Variants in PTPRN2 observed in about 807,000 individuals in gnomAD.
PTPRN2 encodes the protein receptor-type tyrosine-protein phosphatase N2.
A neutral mutation model predicts 118.8 loss-of-function variants in PTPRN2; 74 were observed. The observed-to-expected ratio is 0.62, with a 90% confidence interval of 0.52 to 0.76. The LOEUF is 0.76. PTPRN2 is among the 30% of genes least tolerant of loss of function. PTPRN2 has a pLI of 0.00. For missense variants in PTPRN2, 1,481 were observed against 1,394.4 expected, an observed-to-expected ratio of 1.06 and a Z score of -0.99; for synonymous variants, 641 against 608.0, an observed-to-expected ratio of 1.05 and a Z score of -0.80.
At chr7:158,371,149 A>C (rs1809957804) in intron 2 of PTPRN2, among the ~76,000 whole-genome samples, 1 of 152,218 alleles carries the variant, frequency 6.6e-6, no homozygotes, top group Admixed American at 6.5e-5. Context: ...ACACGGGCCC[A>C]CAGTGTGGAC....
intron 1 of PTPRN2, among the ~76,000 whole-genome samples, chr7:158,564,990 C>T (rs1827586601): frequency 6.6e-6 from 1 of 152,216 alleles, no homozygotes; most frequent in South Asian, 2.1e-4. Flanking sequence ...CCTGCGCAGG[C>T]CCTGCCCCAC....
rs533788337 is a variant in PTPRN2 at position 158,041,017 on chromosome 7, C to T, written c.1723+40281G>A. On this transcript the variant is annotated intron_variant, in intron 11 of 22. Transcript: ENST00000389418. ...AAGTGCTGGGATCACAGGCGTGAGC[C>T]GCCACGCCCGGTCCACCTGCTTTTC... Among the ~76,000 whole-genome samples, 87 of 152,310 alleles carry T rather than the reference C, an allele frequency of 5.7e-4. 1 individual carries two copies. The highest frequency in any genetic ancestry group is 1.0e-3 in the Non-Finnish European group (68 of 68,018).
intron 1 of PTPRN2, among the ~76,000 whole-genome samples, chr7:158,560,385 G>A (rs1287295083): frequency 6.6e-6 from 1 of 152,282 alleles, no homozygotes; most frequent in Non-Finnish European, 1.5e-5. Context: ...TTCTGATCAT[G>A]TGCACGAACA....
intron 11 of PTPRN2, among the ~76,000 whole-genome samples, chr7:157,910,288 G>A (rs542367058): frequency 2.7e-5 from 4 of 150,894 alleles, no homozygotes; most frequent in Admixed American, 6.6e-5. Context: ...CACGTACGCC[G>A]GATCACGCAC....
chr7:158,354,445 G>C (rs1808234098), intron 2 of PTPRN2, among the ~76,000 whole-genome samples: 1 of 151,772 alleles, frequency 6.6e-6, no homozygotes, highest in Admixed American at 6.6e-5. Context: ...AAGGAAACTC[G>C]GTGATCCCCA....
intron 9 of PTPRN2, among the ~76,000 whole-genome samples, chr7:158,125,889 C>T (rs935040702): frequency 6.6e-6 from 1 of 152,164 alleles, no homozygotes; most frequent in Non-Finnish European, 1.5e-5. Context: ...CGGCTGCACC[C>T]CGTCCTGGCA....
At chr7:158,271,062 C>CACCCCCTCCACCTGGACG (rs1265927294) in intron 3 of PTPRN2, among the ~76,000 whole-genome samples, 1 of 139,214 alleles carries the variant, frequency 7.2e-6, no homozygotes, top group East Asian at 2.1e-4. Flanking sequence ...CAACCTGGGC[C>CACCCCCTCCACCTGGACG]ACCCCCTCCA....
chr7:158,194,217 C>T (rs1259787516), intron 4 of PTPRN2, among the ~76,000 whole-genome samples: 1 of 152,192 alleles, frequency 6.6e-6, no homozygotes, highest in African/African-American at 2.4e-5. Context: ...CCTGCACGCA[C>T]ACACCATGCT....
intron 11 of PTPRN2, among the ~76,000 whole-genome samples, chr7:157,942,473 T>G (rs940133975): frequency 3.3e-5 from 5 of 152,124 alleles, no homozygotes; most frequent in African/African-American, 9.7e-5. Flanking sequence ...TTTATATCTT[T>G]ACAGACACAA....
rs1818966094 is a variant in PTPRN2, at chr7:158,461,320, C to T, written c.163+28415G>A. Among the ~76,000 whole-genome samples the T allele has an allele frequency of 3.3e-5, 5 of 152,104 alleles. No homozygotes were observed. The South Asian group carries it at 1.0e-3, about 32-fold the overall frequency. On this transcript the variant is annotated intron_variant, in intron 2 of 22. Transcript: ENST00000389418. ...ACCATCCTGGCTAACACAGTGAAACCCCGTCTCTACTAAAAATACAAAAAA... is the reference window on the plus strand; with the variant it reads ...ACCATCCTGGCTAACACAGTGAAACTCCGTCTCTACTAAAAATACAAAAAA...
At chr7:158,096,706 T>C (rs1814655195) in intron 10 of PTPRN2, among the ~76,000 whole-genome samples, 1 of 152,244 alleles carries the variant, frequency 6.6e-6, no homozygotes, top group Non-Finnish European at 1.5e-5. Flanking sequence ...TGGGCTCCGT[T>C]TGGGAAGGAG....
intron 2 of PTPRN2, among the ~76,000 whole-genome samples, chr7:158,376,503 G>A (rs1164983628): frequency 7.6e-6 from 1 of 132,270 alleles, no homozygotes; most frequent in Non-Finnish European, 1.6e-5. Flanking sequence ...CTCCCCTACA[G>A]CCCTGTCACA....
At chr7:158,137,773 C>T (rs1818963232) in intron 7 of PTPRN2, among the ~76,000 whole-genome samples, 1 of 152,208 alleles carries the variant, frequency 6.6e-6, no homozygotes, top group South Asian at 2.1e-4. Context: ...GAGCTAGGTG[C>T]TTTCTTGCAG....
intron 12 of PTPRN2, among the ~76,000 whole-genome samples, chr7:157,807,577 G>C (rs1805711556): frequency 6.6e-6 from 1 of 152,206 alleles, no homozygotes; most frequent in South Asian, 2.1e-4. Flanking sequence ...ACAGCCAGGG[G>C]ACTGCTCCTA....
intron 6 of PTPRN2, among the ~76,000 whole-genome samples, chr7:158,159,241 G>A (rs569933275): frequency 2.6e-5 from 4 of 152,222 alleles, no homozygotes; most frequent in Non-Finnish European, 4.4e-5. Flanking sequence ...ATAACCACGC[G>A]AAGCGTTGCA....
rs1342520637 is a variant in PTPRN2 at position 157,674,205 on chromosome 7, A to G, written c.2001+8520T>C. Among the ~76,000 whole-genome samples the G allele has an allele frequency of 6.6e-6, 1 of 152,044 alleles. No homozygotes were observed. Among genetic ancestry groups the G allele is most frequent in the African/African-American group, 2.4e-5 (1 of 41,382 alleles). On this transcript the variant is annotated intron_variant, in intron 13 of 22. Transcript: ENST00000389418. This position sits in a 1 kb window ranked among gnomAD's most constrained non-coding sequence, Gnocchi z 4.5. Reference sequence around the variant, plus strand: ...AGGAGGCGGGGCTCACAGAGCAGAGAGCCATGGAGAGCTCCGGGCCGAAGG... The same window carrying G: ...AGGAGGCGGGGCTCACAGAGCAGAGGGCCATGGAGAGCTCCGGGCCGAAGG...
intron 9 of PTPRN2, among the ~76,000 whole-genome samples, chr7:158,124,358 G>A (rs1200369293): frequency 6.6e-6 from 1 of 152,230 alleles, no homozygotes; most frequent in Non-Finnish European, 1.5e-5. Context: ...TGCATGATAT[G>A]CAGGCCCCCA....
At chr7:158,262,520 ACACACTG>A (rs2150930133) in intron 3 of PTPRN2, among the ~76,000 whole-genome samples, 1 of 137,236 alleles carries the variant, frequency 7.3e-6, no homozygotes, top group South Asian at 2.4e-4. Context: ...ACACACATTC[ACACACTG>A]CACACATACA....
intron 4 of PTPRN2, among the ~76,000 whole-genome samples, chr7:158,199,445 C>T (rs1361290779): frequency 6.6e-6 from 1 of 152,218 alleles, no homozygotes; most frequent in African/African-American, 2.4e-5. Flanking sequence ...GAGAAATGAG[C>T]TTGTGGTTGC....
Sources: allele counts gnomAD v4.1 joint callset (sites outside exome capture counted in the v4.1 genomes callset), GRCh38; gene constraint gnomAD v4.1.1; non-coding constraint Gnocchi (gnomAD v3.1); transcripts MANE v1.5; gene names NCBI Gene and HGNC (gene_info 2026-07-23, HGNC 2026-07-21).